Variants in OPRM1 observed in about 807,000 individuals in gnomAD.
OPRM1 encodes mu-type opioid receptor.
OPRM1 carries 27 observed loss-of-function variants against 31.8 expected under a neutral mutation model. That is an observed-to-expected ratio of 0.85 (90% CI 0.63 to 1.17). The LOEUF (loss-of-function observed/expected upper bound fraction) is 1.17, where lower values mean the gene tolerates loss of function less well. Ranked by LOEUF, OPRM1 falls within the 50% of genes most tolerant of loss-of-function variation. The pLI is 0.00. For missense variants in OPRM1, 536 were observed against 511.1 expected, an observed-to-expected ratio of 1.05 and a Z score of -0.47; for synonymous variants, 196 against 189.9, an observed-to-expected ratio of 1.03 and a Z score of -0.26.
chr6:154,110,545 G>T, intron 3 of OPRM1: 1 of 638,312 alleles, frequency 1.6e-6, no homozygotes, highest in Non-Finnish European at 2.8e-6. Context: ...GGTTGCTTAA[G>T]GGATCCCTTC....
chr6:154,235,824 C>T (rs1424045524), intron 3 of OPRM1, among the ~76,000 whole-genome samples: 2 of 152,116 alleles, frequency 1.3e-5, no homozygotes, highest in Non-Finnish European at 2.9e-5. Context: ...TAGGAAAAGG[C>T]AAATCAAAGC....
At chr6:154,138,596 A>C (rs1464210294) in intron 3 of OPRM1, among the ~76,000 whole-genome samples, 1 of 152,196 alleles carries the variant, frequency 6.6e-6, no homozygotes, top group Non-Finnish European at 1.5e-5. Context: ...GAGACAGAGA[A>C]AGAGGTCCAA....
At chr6:154,214,274 C>T in intron 3 of OPRM1, 1 of 1,606,472 alleles carries the variant, frequency 6.2e-7, no homozygotes, top group Non-Finnish European at 8.5e-7. Flanking sequence ...TTTATTTAAC[C>T]ACCTAAAATT....
chr6:154,238,441 A>T (rs541471698), intron 3 of OPRM1, among the ~76,000 whole-genome samples: 22 of 151,944 alleles, frequency 1.4e-4, no homozygotes, highest in African/African-American at 2.9e-4. Context: ...ATATATATAT[A>T]TTTTAATACA....
rs1797686769 is a variant in OPRM1 at position 154,127,947 on chromosome 6, C to T, written c.*9226C>T. Among the ~76,000 whole-genome samples the T allele has an allele frequency of 6.6e-6, 1 of 152,206 alleles. No homozygotes were observed. Among genetic ancestry groups the T allele is most frequent in the African/African-American group, 2.4e-5 (1 of 41,448 alleles). On this transcript the variant is annotated 3_prime_UTR_variant, in exon 4 of 4. Transcript: ENST00000330432. ...ATCACTGCTGTATTAACTCAAAACT[C>T]ATTTGCTTTATGGAAATTCATGGCC...
intron 3 of OPRM1, among the ~76,000 whole-genome samples, chr6:154,192,322 G>GTA (rs1554291324): frequency 3.0e-4 from 36 of 119,770 alleles, no homozygotes; most frequent in South Asian, 9.0e-4. Flanking sequence ...TGGTTACTGT[G>GTA]TGTGTGTGTG....
chr6:154,237,662 C>T (rs1251407704), intron 3 of OPRM1, among the ~76,000 whole-genome samples: 1 of 152,180 alleles, frequency 6.6e-6, no homozygotes, highest in African/African-American at 2.4e-5. Flanking sequence ...GCATCACTGA[C>T]TTAGAGCTAC....
At chr6:154,226,788 C>T (rs1779287771) in intron 3 of OPRM1, among the ~76,000 whole-genome samples, 2 of 152,118 alleles carry the variant, frequency 1.3e-5, no homozygotes, top group Admixed American at 6.5e-5. Flanking sequence ...AGTCTAAATG[C>T]CTCAGCAGAG....
rs1296299562 is a variant in OPRM1, at chr6:154,126,094, G to C, written c.*7373G>C. ...TGGGATTACAGGCGTGAGCCACCGC[G>C]CCCGGCCCGGCTAGACATTTTTTGA... On this transcript the variant is annotated 3_prime_UTR_variant, in exon 4 of 4. Transcript: ENST00000330432. 1.3e-5 allele frequency among the ~76,000 whole-genome samples: 2 copies of C among 151,050 alleles called. 1 individual carries two copies. The highest frequency in any genetic ancestry group is 4.9e-5 in the African/African-American group (2 of 41,082).
At position 154,089,959 on chromosome 6, in the gene OPRM1, T is replaced by A. The variant is rs750699915; in HGVS notation, c.424T>A (p.Cys142Ser). ...AACATGGCCATTTGGAACCATCCTT[T>A]GCAAGATAGTGATCTCCATAGATTA... The part of the protein sequence containing the change: ...MGTWPFGTIL[C>S]KIVISIDYYN... The change falls in exon 2 of 4, where the codon TGC becomes AGC. Residue 142 changes from cysteine to serine, a missense_variant. Transcript: ENST00000330432. 4 of 1,614,086 alleles carry A rather than the reference T, an allele frequency of 2.5e-6. No individual in the cohort carries two copies. The highest frequency in any genetic ancestry group is 3.4e-6 in the Non-Finnish European group (4 of 1,179,938).
chr6:154,055,429 G>C (rs1783073090), intron 1 of OPRM1, among the ~76,000 whole-genome samples: 1 of 151,724 alleles, frequency 6.6e-6, no homozygotes, highest in South Asian at 2.1e-4. Context: ...ATAAAAGCTA[G>C]AGAGTTTTAT....
chr6:154,233,183 G>T (rs1779858940), intron 3 of OPRM1, among the ~76,000 whole-genome samples: 1 of 152,064 alleles, frequency 6.6e-6, no homozygotes, highest in African/African-American at 2.4e-5. Context: ...TGGCCAGACT[G>T]GTCTCAAACT....
chr6:154,192,325 TG>T (rs1245788905), intron 3 of OPRM1, among the ~76,000 whole-genome samples: 6 of 125,068 alleles, frequency 4.8e-5, no homozygotes, highest in Admixed American at 2.2e-4. Context: ...TTACTGTGTG[TG>T]TGTGTGTGTG....
At chr6:154,191,672 TCAACAACAACAACAA>T (rs140096033) in intron 3 of OPRM1, among the ~76,000 whole-genome samples, 5 of 149,688 alleles carry the variant, frequency 3.3e-5, no homozygotes, top group Admixed American at 6.6e-5. Flanking sequence ...AGACTTTGCC[TCAACAACAACAACAA>T]CAACAACAAC....
At chr6:154,102,897 T>C (rs511420) in intron 3 of OPRM1, among the ~76,000 whole-genome samples, 16,138 of 149,510 alleles carry the variant, frequency 0.11, 1,032 homozygotes, top group African/African-American at 0.16. Context: ...GAAAGCTTTC[T>C]TCTACACCAC....
At chr6:154,080,727 G>A (rs1192768978) in intron 1 of OPRM1, among the ~76,000 whole-genome samples, 3 of 152,088 alleles carry the variant, frequency 2.0e-5, no homozygotes, top group Non-Finnish European at 2.9e-5. Flanking sequence ...GAGTGGCTCC[G>A]GCTAAACTGT....
chr6:154,159,073 A>G (rs781009459), intron 3 of OPRM1: 1 of 152,212 alleles, frequency 6.6e-6, no homozygotes, highest in Admixed American at 6.5e-5. Context: ...CCTATCTCCT[A>G]CCATTGAGTA....
chr6:154,048,786 G>C (rs974115568), intron 1 of OPRM1, among the ~76,000 whole-genome samples: 2 of 152,096 alleles, frequency 1.3e-5, no homozygotes, highest in Admixed American at 6.6e-5. Flanking sequence ...ACACATACAT[G>C]TCTATATATG....
At chr6:154,063,668 C>T (rs1047297893) in intron 1 of OPRM1, among the ~76,000 whole-genome samples, 1 of 151,976 alleles carries the variant, frequency 6.6e-6, no homozygotes, top group Non-Finnish European at 1.5e-5. Flanking sequence ...CTTTCCTCCT[C>T]CCAAACCCTG....
Sources: gnomAD v4.1 joint callset for allele counts (sites outside exome capture counted in the v4.1 genomes callset) on GRCh38, gnomAD v4.1.1 for gene constraint, MANE v1.5 for transcripts, NCBI Gene and HGNC (gene_info 2026-07-23, HGNC 2026-07-21) for gene names.